CCDC187: variants seen among roughly 807,000 people sequenced by gnomAD.
The protein encoded by CCDC187 is coiled-coil domain containing 187.
CCDC187 carries 32 observed loss-of-function variants against 38.0 expected under a neutral mutation model. The ratio of observed to expected loss-of-function variants is 0.84; its 90% confidence interval spans 0.64 to 1.13. The LOEUF (loss-of-function observed/expected upper bound fraction) is 1.13. CCDC187 is among the 50% of genes most tolerant of loss of function. The pLI, the probability that CCDC187 is intolerant of heterozygous loss-of-function variation, is 0.00. For synonymous variants in CCDC187, 333 were observed against 347.9 expected, an observed-to-expected ratio of 0.96 and a Z score of 0.48; for missense variants, 707 against 786.8, an observed-to-expected ratio of 0.90 and a Z score of 1.21.
At position 136,257,995 on chromosome 9, in the gene CCDC187, T is replaced by C. The variant is rs187743697; in HGVS notation, c.4366+937A>G. The stretch of plus-strand genomic sequence containing the variant: ...CACCTCCAGAGGCAACGAGGACCCA[T>C]GGTGGGTGCAGGCGCCTGGCTGGCC... On this transcript the variant is annotated intron_variant, in intron 22 of 25. Transcript: ENST00000638797. The surrounding 1 kb of genome is among the most constrained non-coding windows in gnomAD (Gnocchi z 4.5). Among the ~76,000 whole-genome samples the C allele has an allele frequency of 4.3e-4, 66 of 152,284 alleles. No homozygotes were observed. In the East Asian group the frequency reaches 0.011, roughly 26 times the overall value.
intron 4 of CCDC187, among the ~76,000 whole-genome samples, chr9:136,294,223 T>C (rs1165754264): frequency 3.0e-5 from 4 of 132,372 alleles, no homozygotes; most frequent in Non-Finnish European, 6.4e-5. Flanking sequence ...CACACGCTCA[T>C]ATACACACGC....
rs190950504 is a variant in CCDC187 at position 136,262,472 on chromosome 9, A to G, written c.3913-10T>C. ...CTTTGGGGCTGGAACCCTGTAAGAA[A>G]TGGTGCAGGAGAGCCTGGCAAGGCC... is the stretch of plus-strand genomic sequence containing the variant. On this transcript the variant is annotated splice_polypyrimidine_tract_variant and intron_variant, in intron 18 of 25. Coordinates refer to ENST00000638797, the MANE Select transcript of CCDC187 (RefSeq NM_001378188.1). 1.5e-4 allele frequency: 150 copies of G among 985,926 alleles called. 2 individuals are homozygous for G. The East Asian group carries it at 0.014, about 89-fold the overall frequency. 61.1% of individuals were successfully genotyped at this position (985,926 alleles called of 1,614,324 possible).
At chr9:136,293,409 T>C (rs1266113443) in intron 4 of CCDC187, among the ~76,000 whole-genome samples, 1 of 67,798 alleles carries the variant, frequency 1.5e-5, no homozygotes, top group Admixed American at 1.6e-4. Flanking sequence ...TCACAAACAC[T>C]CACATGCTCA....
At chr9:136,260,410 A>G (rs1327587546) in intron 19 of CCDC187, 146 bp from the exon 20 acceptor site, 2 of 320,686 alleles carry the variant, frequency 6.2e-6, no homozygotes, top group Non-Finnish European at 8.9e-6. Context: ...GTGGCCAAGC[A>G]GAAGACGGGA....
At chr9:136,279,461 G>A (rs1267395565) in intron 10 of CCDC187, among the ~76,000 whole-genome samples, 2 of 152,230 alleles carry the variant, frequency 1.3e-5, no homozygotes, top group African/African-American at 2.4e-5. Flanking sequence ...TGAGGTATAG[G>A]GGTAAAAACT....
In CCDC187 at chr9:136,253,176, C is replaced by G. The variant is rs1554759783; in HGVS notation, c.*418G>C. 1 of 152,452 alleles carries G rather than the reference C, an allele frequency of 6.6e-6. No individual in the cohort carries two copies. Among genetic ancestry groups the G allele is most frequent in the Non-Finnish European group, 1.5e-5 (1 of 68,236 alleles). The allele number at this position is 152,452 out of a possible 1,614,324, so 9.4% of individuals were successfully genotyped here. A position where few individuals can be genotyped will look rare whatever the true frequency, so the allele number is the denominator to read the frequency against. On this transcript the variant is annotated 3_prime_UTR_variant, in exon 26 of 26. Coordinates refer to ENST00000638797, the MANE Select transcript of CCDC187 (RefSeq NM_001378188.1). The stretch of plus-strand genomic sequence containing the variant: ...GCAGTGTCCAGGAGCTCATCCAGAC[C>G]CACTAAGAGCTGCCCCGCTACCCAC...
chr9:136,289,244 G>A (rs981415270), intron 7 of CCDC187, among the ~76,000 whole-genome samples: 70 of 152,146 alleles, frequency 4.6e-4, no homozygotes, highest in Non-Finnish European at 7.5e-4. Context: ...CGGGCGGGGC[G>A]CGGTGACTCA....
intron 2 of CCDC187, 139 bp downstream of exon 2, chr9:136,302,673 T>A: frequency 2.5e-6 from 1 of 397,742 alleles, no homozygotes; most frequent in Non-Finnish European, 4.4e-6. Context: ...TCATGACTCC[T>A]AATCCCCACC....
chr9:136,267,804 G>T (rs1195349574), intron 15 of CCDC187: 1 of 964,286 alleles, frequency 1.0e-6, no homozygotes, highest in Admixed American at 6.2e-5. Context: ...CAACCTGGGC[G>T]GGGGCTAACC....
intron 14 of CCDC187, among the ~76,000 whole-genome samples, chr9:136,273,498 G>A (rs1421887067): frequency 1.3e-5 from 2 of 152,218 alleles, no homozygotes; most frequent in African/African-American, 4.8e-5. Context: ...TGGGCCTGGT[G>A]TCAGAGCTTC....
chr9:136,278,460 G>A (rs1030525596), intron 10 of CCDC187, among the ~76,000 whole-genome samples: 1 of 152,240 alleles, frequency 6.6e-6, no homozygotes, highest in African/African-American at 2.4e-5. Context: ...GACAGAGACT[G>A]CAGGAGTCAC....
chr9:136,281,078 C>T (rs1047177391), intron 10 of CCDC187: 2 of 244,960 alleles, frequency 8.2e-6, no homozygotes, highest in African/African-American at 2.2e-5. Context: ...CCAAGCCCCC[C>T]AGCCAGGAGG....
rs1830635503 is a variant in CCDC187, at chr9:136,258,063, G to A, written c.4366+869C>T. On this transcript the variant is annotated intron_variant, in intron 22 of 25. Coordinates refer to ENST00000638797, the MANE Select transcript of CCDC187 (RefSeq NM_001378188.1). The surrounding 1 kb of genome is among the most constrained non-coding windows in gnomAD (Gnocchi z 4.3). Reference sequence around the variant, plus strand: ...TGGTACACGTGGCCATGCGGCGAGGGAGGCTTCAGGCTGAGCAAGCTTCAC... The same window carrying A: ...TGGTACACGTGGCCATGCGGCGAGGAAGGCTTCAGGCTGAGCAAGCTTCAC... 6.6e-6 allele frequency among the ~76,000 whole-genome samples: 1 copy of A among 152,164 alleles called. No individual in the cohort carries two copies. The highest frequency in any genetic ancestry group is 1.5e-5 in the Non-Finnish European group (1 of 68,014).
In CCDC187 at chr9:136,250,784, C is replaced by T. The variant is rs962123266; in HGVS notation, c.*2810G>A. On this transcript the variant is annotated 3_prime_UTR_variant, in exon 26 of 26. Transcript: ENST00000638797. ...GGTGAATGGGGACCCTGACACAGGC[C>T]GGCCATTGTTAACGGCACCTGGGGC... is the stretch of plus-strand genomic sequence containing the variant. 30 of 456,152 alleles carry T rather than the reference C, an allele frequency of 6.6e-5. No homozygotes were observed. Among genetic ancestry groups the T allele is most frequent in the Non-Finnish European group, 1.2e-4 (28 of 226,966 alleles). 28.3% of individuals were successfully genotyped at this position (456,152 alleles called of 1,614,324 possible).
At position 136,251,096 on chromosome 9, in the gene CCDC187, G is replaced by T. The variant is rs1830530726; in HGVS notation, c.*2498C>A. ...GAAGTGGAGGAGGCCTGAGGCCCTGGACAGGAGAAGCCACATCCTGGAAGG... is the reference window on the plus strand; with the variant it reads ...GAAGTGGAGGAGGCCTGAGGCCCTGTACAGGAGAAGCCACATCCTGGAAGG... On this transcript the variant is annotated 3_prime_UTR_variant, in exon 26 of 26. Transcript: ENST00000638797. 2 of 449,858 alleles carry T rather than the reference G, an allele frequency of 4.4e-6. No individual in the cohort carries two copies. Among genetic ancestry groups the T allele is most frequent in the Admixed American group, 2.4e-5 (1 of 42,452 alleles). The allele number at this position is 449,858 out of a possible 1,614,324, so 27.9% of individuals were successfully genotyped here.
At chr9:136,261,518 G>A (rs1489005768) in intron 19 of CCDC187, among the ~76,000 whole-genome samples, 1 of 152,208 alleles carries the variant, frequency 6.6e-6, no homozygotes, top group African/African-American at 2.4e-5. Context: ...AACCCTGGGG[G>A]ACCAAGGGGC....
chr9:136,283,259 A>G (rs1831089297), intron 9 of CCDC187, among the ~76,000 whole-genome samples: 2 of 152,178 alleles, frequency 1.3e-5, no homozygotes, highest in African/African-American at 4.8e-5. Context: ...AAAAATAAAA[A>G]CAAAACAAAA....
chr9:136,305,365 G>A (rs886483754), upstream of CCDC187, among the ~76,000 whole-genome samples: 6 of 152,140 alleles, frequency 3.9e-5, no homozygotes, highest in African/African-American at 9.7e-5. Flanking sequence ...GAGCCTGAAC[G>A]GCTCTCAGGC....
Position 136,267,393 on chromosome 9 carries a change from TG to T in CCDC187, c.3637del (p.His1213IlefsTer39), listed in dbSNP as rs1209806697. 1 of 985,368 alleles carries T rather than the reference TG, an allele frequency of 1.0e-6. No homozygotes were observed. Among genetic ancestry groups the T allele is most frequent in the Admixed American group, 6.2e-5 (1 of 16,260 alleles). 61.0% of individuals were successfully genotyped at this position (985,368 alleles called of 1,614,324 possible). A position where few individuals can be genotyped will look rare whatever the true frequency, so the allele number is the denominator to read the frequency against. On this transcript the variant is annotated frameshift_variant, in exon 16 of 26. Coordinates refer to ENST00000638797, the MANE Select transcript of CCDC187 (RefSeq NM_001378188.1). LOFTEE classifies it high-confidence loss of function. ...AGGCGCATGCGCTCACCCTCGTCGATGCTCCAGCCAGGCCAGCTCCGCGAGC... is the reference window on the plus strand; with the variant it reads ...AGGCGCATGCGCTCACCCTCGTCGATCTCCAGCCAGGCCAGCTCCGCGAGC... Reference protein sequence around the residue: ...KTLAELAWLEHRRGCLDSKRD... With the variant: ...KTLAELAWLEXRRGCLDSKRD...
Sources: allele counts gnomAD v4.1 joint callset (sites outside exome capture counted in the v4.1 genomes callset), GRCh38; gene constraint gnomAD v4.1.1; non-coding constraint Gnocchi (gnomAD v3.1); transcripts MANE v1.5; gene names NCBI Gene and HGNC (gene_info 2026-07-23, HGNC 2026-07-21).